The following LDHB variants were observed in gnomAD, a reference collection of about 807,000 sequenced individuals.
The protein encoded by LDHB is L-lactate dehydrogenase B chain.
A neutral mutation model predicts 33.4 loss-of-function variants in LDHB; 18 were observed. The ratio of observed to expected loss-of-function variants is 0.54; its 90% CI spans 0.37 to 0.80. LDHB has a LOEUF of 0.80. LDHB is among the 30% of genes least tolerant of loss of function. The pLI, the probability that LDHB is intolerant of heterozygous loss-of-function variation, is 0.00. For missense variants in LDHB, 345 were observed against 407.9 expected (o/e 0.85, Z 1.33); for synonymous variants, 121 against 140.6 (o/e 0.86, Z 0.98).
rs190910200 is a variant in LDHB at position 21,655,402 on chromosome 12, G to A, written c.-6-725C>T. 2.7e-3 allele frequency among the ~76,000 whole-genome samples: 416 copies of A among 152,224 alleles called. 18 individuals are homozygous for A. Among genetic ancestry groups the A allele is most frequent in the Non-Finnish European group, 3.5e-3 (236 of 68,002 alleles). On this transcript the variant is annotated intron_variant, in intron 1 of 7. Coordinates refer to ENST00000350669, the MANE Select transcript of LDHB (RefSeq NM_002300.8). ...TAAGCTTGGATAAAAAGAATAAATG[G>A]CCAATTATGAACATAATTTCTACTA...
chr12:21,650,196 G>A (rs1938648933), intron 2 of LDHB, among the ~76,000 whole-genome samples: 1 of 150,844 alleles, frequency 6.6e-6, no homozygotes, highest in Admixed American at 6.6e-5. Context: ...TTTGCGGGAG[G>A]AAAAGGTATA....
chr12:21,642,335 T>C (rs1344440909), intron 4 of LDHB, among the ~76,000 whole-genome samples: 1 of 152,134 alleles, frequency 6.6e-6, no homozygotes, highest in African/African-American at 2.4e-5. Flanking sequence ...TATATGAAGA[T>C]TGCAAGACAT....
chr12:21,650,134 ACACACACACACACACACG>A (rs1296864627), intron 2 of LDHB, among the ~76,000 whole-genome samples: 49 of 149,198 alleles, frequency 3.3e-4, no homozygotes, highest in Middle Eastern at 3.2e-3. Context: ...ACACACACAC[ACACACACACACACACACG>A]TCTCTCTCTC....
At chr12:21,644,184 A>G (rs960383387) in intron 3 of LDHB, 76 bp from the exon 4 acceptor site, 2 of 1,078,078 alleles carry the variant, frequency 1.9e-6, no homozygotes, top group African/African-American at 3.1e-5. Flanking sequence ...ACATGCTCTA[A>G]AAGCCTAACC....
rs375249355 is a variant in LDHB, at chr12:21,643,928, A to G, written c.421+7T>C. 11 of 1,592,694 alleles carry G rather than the reference A, an allele frequency of 6.9e-6. No homozygotes were observed. The highest frequency in any genetic ancestry group is 8.6e-6 in the Non-Finnish European group (10 of 1,160,620). ...ACAGAACAGAGACTTAAAGTATACAATAATACCTGGGTTGGAAACCACAAT... is the reference window on the plus strand; with the variant it reads ...ACAGAACAGAGACTTAAAGTATACAGTAATACCTGGGTTGGAAACCACAAT... On this transcript the variant is annotated splice_region_variant and intron_variant, in intron 4 of 7. Transcript: ENST00000350669.
Position 21,635,488 on chromosome 12 carries a change from G to T in LDHB, c.*54C>A. The T allele has an allele frequency of 7.1e-7, 1 of 1,408,938 alleles. No individual in the cohort carries two copies. The highest frequency in any genetic ancestry group is 1.0e-6 in the Non-Finnish European group (1 of 994,878). The allele number at this position is 1,408,938 out of a possible 1,614,324, so 87.3% of individuals were successfully genotyped here. On this transcript the variant is annotated 3_prime_UTR_variant, in exon 8 of 8. Transcript: ENST00000350669. ...CCATGTACATGGATGAAAACTAAAG[G>T]CTCGAGTTAATCACATTGTAGTTTT... is the stretch of plus-strand genomic sequence containing the variant.
chr12:21,637,987 A>C (rs1299862835), intron 6 of LDHB, among the ~76,000 whole-genome samples: 3 of 152,018 alleles, frequency 2.0e-5, no homozygotes, highest in Non-Finnish European at 4.4e-5. Context: ...CACTGTTAGC[A>C]ATCAGCAAGC....
chr12:21,637,948 A>G (rs1938261896), intron 6 of LDHB, among the ~76,000 whole-genome samples: 3 of 152,030 alleles, frequency 2.0e-5, no homozygotes, highest in Admixed American at 2.0e-4. Context: ...TATTTGAGAC[A>G]TCAGTTAGTC....
intron 3 of LDHB, among the ~76,000 whole-genome samples, chr12:21,646,465 A>C (rs1009406680): frequency 6.6e-6 from 1 of 152,200 alleles, no homozygotes; most frequent in Non-Finnish European, 1.5e-5. Context: ...CTAGAAACGG[A>C]TGAAAGAAAA....
rs778054182 is a variant in LDHB, at chr12:21,637,246, A to C, written c.714-52T>G. The C allele has an allele frequency of 3.5e-6, 5 of 1,412,424 alleles. No homozygotes were observed. In the South Asian group the frequency reaches 5.7e-5, roughly 16 times the overall value. 87.5% of individuals were successfully genotyped at this position (1,412,424 alleles called of 1,614,324 possible). A position where few individuals can be genotyped will look rare whatever the true frequency, so the allele number is the denominator to read the frequency against. Reference sequence around the variant, plus strand: ...TGAAATAAGACTCAATCATTATTGAAACCAGACCTGACTTTGACTACTGCT... The same window carrying C: ...TGAAATAAGACTCAATCATTATTGACACCAGACCTGACTTTGACTACTGCT... On this transcript the variant is annotated intron_variant, in intron 6 of 7. Coordinates refer to ENST00000350669, the MANE Select transcript of LDHB (RefSeq NM_002300.8).
chr12:21,642,154 G>A lies in LDHB; in HGVS notation c.422-29C>T, dbSNP rs780618024. ...AAAATTTTGGAAATAATATATGTAA[G>A]TAAACCAAAACCAACTTCAACTGTT... On this transcript the variant is annotated intron_variant, in intron 4 of 7. Coordinates refer to ENST00000350669, the MANE Select transcript of LDHB (RefSeq NM_002300.8). 7 of 1,579,358 alleles carry A rather than the reference G, an allele frequency of 4.4e-6. No homozygotes were observed. The Admixed American group carries it at 1.2e-4, about 26-fold the overall frequency.
chr12:21,637,339 T>C lies in LDHB; in HGVS notation c.714-145A>G, dbSNP rs116525325. On this transcript the variant is annotated intron_variant, in intron 6 of 7. Coordinates refer to ENST00000350669, the MANE Select transcript of LDHB (RefSeq NM_002300.8). Reference sequence around the variant, plus strand: ...TGCCTTAGTGTTCCCTTTTTGAGTGTTAAATGAATTAATATATATGTAAAA... The same window carrying C: ...TGCCTTAGTGTTCCCTTTTTGAGTGCTAAATGAATTAATATATATGTAAAA... The C allele has an allele frequency of 2.3e-3, 1,493 of 641,868 alleles. 14 individuals carry two copies. The highest frequency in any genetic ancestry group is 0.023 in the African/African-American group (1,268 of 54,990). 39.8% of individuals were successfully genotyped at this position (641,868 alleles called of 1,614,324 possible). A position where few individuals can be genotyped will look rare whatever the true frequency, so the allele number is the denominator to read the frequency against.
intron 3 of LDHB, 148 bp from the exon 4 acceptor site, chr12:21,644,256 T>G (rs1454137575): frequency 1.3e-5 from 8 of 632,962 alleles, no homozygotes; most frequent in African/African-American, 7.3e-5. Context: ...GGCTTGAAGT[T>G]TAATGTTCCT....
intron 1 of LDHB, among the ~76,000 whole-genome samples, chr12:21,656,463 A>G (rs1411879131): frequency 6.6e-6 from 1 of 152,224 alleles, no homozygotes; most frequent in African/African-American, 2.4e-5. Flanking sequence ...ACACACATGA[A>G]TAGTTGTTCT....
intron 7 of LDHB, among the ~76,000 whole-genome samples, chr12:21,636,381 T>C (rs1938217582): frequency 1.3e-5 from 2 of 151,988 alleles, no homozygotes; most frequent in Admixed American, 1.3e-4. Context: ...CAAAACACTT[T>C]ACCAGTTCGT....
At chr12:21,647,049 A>C (rs746697317) in intron 2 of LDHB, 33 bp from the exon 3 acceptor site, 5 of 1,323,644 alleles carry the variant, frequency 3.8e-6, no homozygotes, top group South Asian at 3.5e-5. Flanking sequence ...TAGAACCCTA[A>C]GCCACTCTAG....
chr12:21,643,875 C>T (rs1177906961), intron 4 of LDHB, 60 bp downstream of exon 4: 1 of 1,325,174 alleles, frequency 7.5e-7, no homozygotes, highest in Non-Finnish European at 1.1e-6. Flanking sequence ...AAAACAATAA[C>T]AACAGAAACA....
At chr12:21,642,251 T>C in intron 4 of LDHB, 126 bp from the exon 5 acceptor site, 1 of 688,838 alleles carries the variant, frequency 1.5e-6, no homozygotes. Flanking sequence ...GCCAGAAAGA[T>C]TAAAGTAAAT....
chr12:21,645,471 C>G (rs931631540), intron 3 of LDHB, among the ~76,000 whole-genome samples: 1 of 152,166 alleles, frequency 6.6e-6, no homozygotes, highest in Non-Finnish European at 1.5e-5. Flanking sequence ...CTGCTCGTCC[C>G]TGGGCAATGG....
Sources: gnomAD v4.1 joint callset for allele counts (sites outside exome capture counted in the v4.1 genomes callset) on GRCh38, gnomAD v4.1.1 for gene constraint, MANE v1.5 for transcripts, NCBI Gene and HGNC (gene_info 2026-07-23, HGNC 2026-07-21) for gene names.